Variants in ADH4 observed in about 807,000 individuals in gnomAD.
ADH4 encodes all-trans-retinol dehydrogenase [NAD(+)] ADH4.
In ADH4, 31 loss-of-function variants were observed where a neutral mutation model predicts 35.2. The ratio of observed to expected loss-of-function variants is 0.88; its 90% CI spans 0.66 to 1.19. The LOEUF is 1.19. Among genes scored for constraint, ADH4 ranks in the 50% most tolerant of loss-of-function variants. ADH4 has a pLI of 0.00. For missense variants in ADH4, 476 were observed against 458.3 expected (o/e 1.04, Z -0.35); for synonymous variants, 171 against 160.2 (o/e 1.07, Z -0.51).
rs1325834304 is a variant in ADH4, at chr4:99,124,229, T to C, written c.*213A>G. 1 of 448,892 alleles carries C rather than the reference T, an allele frequency of 2.2e-6. No individual in the cohort carries two copies. The highest frequency in any genetic ancestry group is 2.1e-5 in the African/African-American group (1 of 47,932). 27.8% of individuals were successfully genotyped at this position (448,892 alleles called of 1,614,324 possible). On this transcript the variant is annotated 3_prime_UTR_variant, in exon 9 of 9. Coordinates refer to ENST00000265512, the MANE Select transcript of ADH4 (RefSeq NM_000670.5). ...TCTAAAGATGATATGATTCTATTCATAAACACTAGTTATTATTATTATTTA... is the reference window on the plus strand; with the variant it reads ...TCTAAAGATGATATGATTCTATTCACAAACACTAGTTATTATTATTATTTA...
intron 3 of ADH4, among the ~76,000 whole-genome samples, chr4:99,141,253 T>C (rs1041276056): frequency 6.6e-6 from 1 of 152,232 alleles, no homozygotes; most frequent in Non-Finnish European, 1.5e-5. Flanking sequence ...TTGTTAAACA[T>C]GGAAGTTTCA....
intron 8 of ADH4, 46 bp downstream of exon 8, chr4:99,126,548 A>G (rs369761350): frequency 3.7e-5 from 56 of 1,527,898 alleles, no homozygotes; most frequent in Non-Finnish European, 5.0e-5. Flanking sequence ...AGATAGAATC[A>G]TTGTAAACGT....
intron 7 of ADH4, 147 bp downstream of exon 7, chr4:99,127,058 GTCAT>G (rs985343999): frequency 4.3e-5 from 20 of 461,662 alleles, no homozygotes; most frequent in African/African-American, 3.9e-4. Flanking sequence ...TTATTTATAA[GTCAT>G]TAATAGTTTT....
intron 1 of ADH4, 185 bp from the exon 2 acceptor site, chr4:99,142,965 AAAAT>A (rs973542565): frequency 3.2e-6 from 2 of 623,274 alleles, no homozygotes; most frequent in South Asian, 1.9e-5. Flanking sequence ...ATCTTAAAGA[AAAAT>A]AAGAAGTTAA....
chr4:99,142,745 T>A lies in ADH4; in HGVS notation c.54A>T (p.Ala18=). Residue 18 remains alanine (A), a synonymous_variant, in exon 2 of 9, where the codon GCA becomes GCT. Transcript: ENST00000265512. ...IKCKAAIAWE[A]GKPLCIEEVE... is the part of the protein sequence containing the mutation. The stretch of plus-strand genomic sequence containing the variant: ...CCTCTTCAATGCAAAGGGGCTTGCC[T>A]GCTTCCCAGGCGATGGCTGCTTTGC... 1 of 1,605,766 alleles carries A rather than the reference T, an allele frequency of 6.2e-7. No homozygotes were observed. The highest frequency in any genetic ancestry group is 8.5e-7 in the Non-Finnish European group (1 of 1,177,058).
chr4:99,136,080 G>GGAA (rs1480526511), intron 5 of ADH4, among the ~76,000 whole-genome samples: 3 of 152,114 alleles, frequency 2.0e-5, no homozygotes, highest in African/African-American at 7.2e-5. Flanking sequence ...GTGTGAAGAT[G>GGAA]GAAGTGAGTT....
chr4:99,131,890 A>G, intron 5 of ADH4, 126 bp from the exon 6 acceptor site: 3 of 989,624 alleles, frequency 3.0e-6, no homozygotes, highest in South Asian at 1.8e-5. Context: ...AAACTCTATG[A>G]TATAGCCAAT....
chr4:99,132,526 G>T (rs11366535), intron 5 of ADH4, among the ~76,000 whole-genome samples: 2 of 268 alleles, frequency 7.5e-3, no homozygotes, highest in Non-Finnish European at 0.015. Flanking sequence ...TGGGTGTATG[G>T]TGTGTTTCTT....
At position 99,142,713 on chromosome 4, in the gene ADH4, A is replaced by T; in HGVS notation, c.86T>A (p.Val29Glu). 6.2e-7 allele frequency: 1 copy of T among 1,604,870 alleles called. No homozygotes were observed. Among genetic ancestry groups the T allele is most frequent in the Non-Finnish European group, 8.5e-7 (1 of 1,176,890 alleles). Reference sequence around the variant, plus strand: ...AACTTCATGAGCCTTGGGGGGAGCTACTTCAACCTCTTCAATGCAAAGGGG... The same window carrying T: ...AACTTCATGAGCCTTGGGGGGAGCTTCTTCAACCTCTTCAATGCAAAGGGG... ...GKPLCIEEVE[V>E]APPKAHEVRI... is the part of the protein sequence containing the mutation. Residue 29 changes from valine to glutamate, a missense_variant, in exon 2 of 9, where the codon GTA (valine) becomes GAA (glutamate). Transcript: ENST00000265512.
At chr4:99,132,962 T>A (rs185697239) in intron 5 of ADH4, among the ~76,000 whole-genome samples, 1 of 152,324 alleles carries the variant, frequency 6.6e-6, no homozygotes, top group East Asian at 1.9e-4. Flanking sequence ...TGTATATATA[T>A]TGCAAATAGT....
chr4:99,140,571 C>G (rs564863783), intron 3 of ADH4, among the ~76,000 whole-genome samples: 1 of 147,902 alleles, frequency 6.8e-6, no homozygotes, highest in African/African-American at 2.5e-5. Context: ...GACTCTGTTT[C>G]GAACAAAAAA....
intron 8 of ADH4, 140 bp downstream of exon 8, chr4:99,126,454 A>C: frequency 1.4e-6 from 1 of 740,132 alleles, no homozygotes; most frequent in Middle Eastern, 4.2e-4. Flanking sequence ...AATGACCACT[A>C]TTTAATCTTT....
At position 99,141,543 on chromosome 4, in the gene ADH4, G is replaced by A; in HGVS notation, c.260C>T (p.Pro87Leu). The A allele has an allele frequency of 6.2e-7, 1 of 1,604,656 alleles. No individual in the cohort carries two copies. The highest frequency in any genetic ancestry group is 1.1e-5 in the South Asian group (1 of 89,588). Residue 87 changes from proline to leucine, a missense_variant and splice_region_variant, in exon 3 of 9, where the codon CCA becomes CTA. Pro to Leu is a moderately conservative substitution (Grantham distance 98, BLOSUM62 -3). Coordinates refer to ENST00000265512, the MANE Select transcript of ADH4 (RefSeq NM_000670.5). ...TTTTTCTGAATAAAATAAAATACCTGGTTTGACGTTGGTCACTCCTGGCCC... is the reference window on the plus strand; with the variant it reads ...TTTTTCTGAATAAAATAAAATACCTAGTTTGACGTTGGTCACTCCTGGCCC... ...SIGPGVTNVK[P>L]GDKVIPLYAP...
chr4:99,128,298 T>G (rs1225150703), intron 6 of ADH4, among the ~76,000 whole-genome samples: 2 of 152,134 alleles, frequency 1.3e-5, no homozygotes, highest in Non-Finnish European at 2.9e-5. Context: ...TAGCCAGACA[T>G]GGCAGCATGT....
Position 99,126,686 on chromosome 4 carries a change from C to A in ADH4, c.1026G>T (p.Lys342Asn). 1 of 1,611,770 alleles carries A rather than the reference C, an allele frequency of 6.2e-7. No homozygotes were observed. Among genetic ancestry groups the A allele is most frequent in the South Asian group, 1.1e-5 (1 of 90,836 alleles). ...DSIPKLVTDY[K>N]NKKFNLDALV... The stretch of plus-strand genomic sequence containing the variant: ...GTGCATCCAGATTGAATTTCTTATT[C>A]TTATAGTCAGTGACCAGCTTTGGGA... The change falls in exon 8 of 9, where the codon AAG becomes AAT. Residue 342 changes from lysine (K) to asparagine (N), a missense_variant. By Grantham distance (94) the Lys-to-Asn change is moderately conservative. Transcript: ENST00000265512.
intron 3 of ADH4, among the ~76,000 whole-genome samples, chr4:99,139,356 G>A (rs1265158071): frequency 6.6e-6 from 1 of 152,110 alleles, no homozygotes; most frequent in Non-Finnish European, 1.5e-5. Flanking sequence ...TACTCTGCTA[G>A]GCAGTCCAGC....
rs1229372946 is a variant in ADH4 at position 99,142,743 on chromosome 4, C to T, written c.56G>A (p.Gly19Asp). The change falls in exon 2 of 9, where the codon GGC (glycine) becomes GAC (aspartate). Residue 19 changes from glycine to aspartate, a missense_variant. Coordinates refer to ENST00000265512, the MANE Select transcript of ADH4 (RefSeq NM_000670.5). ...KCKAAIAWEAGKPLCIEEVEV... is the reference protein window; with the variant it reads ...KCKAAIAWEADKPLCIEEVEV... ...AACCTCTTCAATGCAAAGGGGCTTG[C>T]CTGCTTCCCAGGCGATGGCTGCTTT... The T allele has an allele frequency of 3.7e-6, 6 of 1,605,422 alleles. No homozygotes were observed. Among genetic ancestry groups the T allele is most frequent in the South Asian group, 1.1e-5 (1 of 89,688 alleles).
chr4:99,142,700 C>CT lies in ADH4; in HGVS notation c.98dup (p.Ala34GlyfsTer3). ...TTACCTGAATGCGAACTTCATGAGC[C>CT]TTGGGGGGAGCTACTTCAACCTCTT... is the stretch of plus-strand genomic sequence containing the variant. On this transcript the variant is annotated frameshift_variant, in exon 2 of 9. Coordinates refer to ENST00000265512, the MANE Select transcript of ADH4 (RefSeq NM_000670.5). LOFTEE classifies it high-confidence loss of function. The CT allele has an allele frequency of 6.3e-7, 1 of 1,598,002 alleles. No individual in the cohort carries two copies. Among genetic ancestry groups the CT allele is most frequent in the Non-Finnish European group, 8.5e-7 (1 of 1,173,940 alleles).
intron 5 of ADH4, among the ~76,000 whole-genome samples, chr4:99,132,779 G>T (rs1323309751): frequency 2.0e-5 from 3 of 152,056 alleles, no homozygotes; most frequent in African/African-American, 7.2e-5. Context: ...AAGCTGTTAG[G>T]ATTAAAACAT....
Sources: gnomAD v4.1 joint callset for allele counts (sites outside exome capture counted in the v4.1 genomes callset) on GRCh38, gnomAD v4.1.1 for gene constraint, MANE v1.5 for transcripts, NCBI Gene and HGNC (gene_info 2026-07-23, HGNC 2026-07-21) for gene names.